Variants in EML6 observed in about 807,000 individuals in gnomAD.
EML6 encodes the protein EMAP like 6, also known as echinoderm microtubule-associated protein-like 6.
EML6 carries 154 observed loss-of-function variants against 240.1 expected under a neutral mutation model. That is an observed-to-expected ratio of 0.64 (90% confidence interval 0.56 to 0.73). The LOEUF (loss-of-function observed/expected upper bound fraction) is 0.73, where lower values mean the gene tolerates loss of function less well. EML6 is among the 30% of genes least tolerant of loss of function. EML6 has a pLI of 0.00. For missense variants in EML6, 2,964 were observed against 2,474.6 expected (o/e 1.20, Z -4.20); for synonymous variants, 1,148 against 899.0 (o/e 1.28, Z -4.95).
intron 2 of EML6, among the ~76,000 whole-genome samples, chr2:54,729,922 G>A (rs763990836): frequency 1.1e-4 from 17 of 152,228 alleles, no homozygotes; most frequent in Non-Finnish European, 2.2e-4. Context: ...GATCACTTGA[G>A]CTTGGGGGTT....
chr2:54,730,897 G>A lies in EML6; in HGVS notation c.197+5639G>A, dbSNP rs551106554. Among the ~76,000 whole-genome samples the A allele has an allele frequency of 9.7e-4, 148 of 152,276 alleles. 2 individuals are homozygous for A. The highest frequency in any genetic ancestry group is 3.2e-3 in the African/African-American group (134 of 41,544). ...AACATGACAAAGTTTCTGCCGCCTCGAAGCTTACTTTCTGATGGGGGACGC... is the reference window on the plus strand; with the variant it reads ...AACATGACAAAGTTTCTGCCGCCTCAAAGCTTACTTTCTGATGGGGGACGC... On this transcript the variant is annotated intron_variant, in intron 2 of 41. Transcript: ENST00000356458.
intron 2 of EML6, among the ~76,000 whole-genome samples, chr2:54,777,907 A>G (rs896334439): frequency 1.3e-5 from 2 of 152,236 alleles, no homozygotes; most frequent in African/African-American, 4.8e-5. Flanking sequence ...GAATTTAATA[A>G]AATTTTTGGG....
At chr2:54,723,937 G>C (rs187797921) in intron 1 of EML6, among the ~76,000 whole-genome samples, 160 bp downstream of exon 1, 3 of 152,200 alleles carry the variant, frequency 2.0e-5, no homozygotes, top group African/African-American at 7.2e-5. Context: ...GTGCGTCTGT[G>C]GGGGGTTGCT....
At chr2:54,857,184 G>T (rs1266120706) in intron 11 of EML6, among the ~76,000 whole-genome samples, 1 of 152,180 alleles carries the variant, frequency 6.6e-6, no homozygotes, top group East Asian at 1.9e-4. Flanking sequence ...GTAAGTTAGG[G>T]GCCCGTACTG....
intron 16 of EML6, among the ~76,000 whole-genome samples, chr2:54,877,684 T>G (rs938198589): frequency 2.0e-5 from 3 of 152,232 alleles, no homozygotes; most frequent in Non-Finnish European, 4.4e-5. Context: ...GGGGATATCA[T>G]TAGTTGTTTT....
intron 38 of EML6, among the ~76,000 whole-genome samples, chr2:54,965,677 G>T (rs1420826039): frequency 6.6e-6 from 1 of 152,134 alleles, no homozygotes; most frequent in African/African-American, 2.4e-5. Flanking sequence ...CACTTCCTGG[G>T]TGGGGGCCAC....
In EML6 at chr2:54,850,144, T is replaced by C. The variant is rs1669994605; in HGVS notation, c.1370T>C (p.Ile457Thr). 3.2e-6 allele frequency: 5 copies of C among 1,551,748 alleles called. No individual in the cohort carries two copies. Among genetic ancestry groups the C allele is most frequent in the Non-Finnish European group, 4.4e-6 (5 of 1,146,884 alleles). The change falls in exon 10 of 42, where the codon ATT becomes ACT. Residue 457 changes from isoleucine (I) to threonine (T), a missense_variant. Physicochemically the swap from Ile to Thr is moderately conservative, Grantham distance 89 (BLOSUM62 -1). Coordinates refer to ENST00000356458, the MANE Select transcript of EML6 (RefSeq NM_001039753.4). ...AAGTCCCTTAGTTTCATCACGCATA[T>C]TGACTGGTCCTTGGATAGTAAATAC... The part of the protein sequence containing the change: ...CSKSLSFITH[I>T]DWSLDSKYLQ...
intron 16 of EML6, among the ~76,000 whole-genome samples, chr2:54,874,484 C>A (rs532815222): frequency 6.6e-6 from 1 of 152,172 alleles, no homozygotes; most frequent in Non-Finnish European, 1.5e-5. Flanking sequence ...CCCCAGATAA[C>A]AATCACTGGG....
Position 54,922,909 on chromosome 2 carries a change from G to GA in EML6, c.3676-5403dup, listed in dbSNP as rs1298958542. Among the ~76,000 whole-genome samples, 5 of 151,538 alleles carry GA rather than the reference G, an allele frequency of 3.3e-5. No individual in the cohort carries two copies. In the East Asian group the frequency reaches 9.7e-4, roughly 29 times the overall value. On this transcript the variant is annotated intron_variant, in intron 26 of 41. Coordinates refer to ENST00000356458, the MANE Select transcript of EML6 (RefSeq NM_001039753.4). Reference sequence around the variant, plus strand: ...GGACTGGAGAGTGGGTGGAAATGGGGAGATGTTGGTCAAAGGGTATAAACT... The same window carrying GA: ...GGACTGGAGAGTGGGTGGAAATGGGGAAGATGTTGGTCAAAGGGTATAAACT...
At chr2:54,919,210 G>A (rs1674089844) in intron 26 of EML6, among the ~76,000 whole-genome samples, 1 of 150,430 alleles carries the variant, frequency 6.6e-6, no homozygotes, top group Admixed American at 6.6e-5. Flanking sequence ...CCACCTGATT[G>A]AGAAGTGTTC....
chr2:54,866,948 T>C, intron 14 of EML6, 64 bp downstream of exon 14: 1 of 953,310 alleles, frequency 1.0e-6, no homozygotes, highest in East Asian at 2.6e-5. Flanking sequence ...TCACCAACCT[T>C]AGCACCAGGC....
rs184415376 is a variant in EML6 at position 54,967,474 on chromosome 2, A to G, written c.5597+371A>G. 1.5e-3 allele frequency among the ~76,000 whole-genome samples: 229 copies of G among 152,326 alleles called. 1 individual carries two copies. Among genetic ancestry groups the G allele is most frequent in the African/African-American group, 4.9e-3 (204 of 41,566 alleles). On this transcript the variant is annotated intron_variant, in intron 39 of 41. Coordinates refer to ENST00000356458, the MANE Select transcript of EML6 (RefSeq NM_001039753.4). Reference sequence around the variant, plus strand: ...CCCCGGCTTAGCAGGATGAGAAACAATGGCTAATTCATGGGAAAAGAGACC... The same window carrying G: ...CCCCGGCTTAGCAGGATGAGAAACAGTGGCTAATTCATGGGAAAAGAGACC...
rs1683389740 is a variant in EML6 at position 54,736,328 on chromosome 2, AC to A, written c.197+11071del. ...TTCTCCTCTTTTCCTTCAATGCCAGACTTCTCAGAAGAGGGAGCGTGGCATT... is the reference window on the plus strand; with the variant it reads ...TTCTCCTCTTTTCCTTCAATGCCAGATTCTCAGAAGAGGGAGCGTGGCATT... On this transcript the variant is annotated intron_variant, in intron 2 of 41. Transcript: ENST00000356458. Among the ~76,000 whole-genome samples the A allele has an allele frequency of 5.3e-5, 8 of 152,292 alleles. No individual in the cohort carries two copies. In the East Asian group the frequency reaches 1.5e-3, roughly 29 times the overall value.
chr2:54,893,495 G>A (rs1322143782), intron 19 of EML6, among the ~76,000 whole-genome samples: 1 of 152,150 alleles, frequency 6.6e-6, no homozygotes, highest in Non-Finnish European at 1.5e-5. Context: ...TCATGGTCTA[G>A]TCAACTCTGA....
intron 40 of EML6, 71 bp downstream of exon 40, chr2:54,968,352 C>G (rs1313285468): frequency 7.3e-7 from 1 of 1,366,334 alleles, no homozygotes; most frequent in African/African-American, 1.4e-5. Context: ...GGGGCCACGT[C>G]TAGATGGCCC....
chr2:54,733,026 T>C (rs182112660), intron 2 of EML6, among the ~76,000 whole-genome samples: 14 of 152,340 alleles, frequency 9.2e-5, no homozygotes, highest in African/African-American at 3.4e-4. Context: ...ATCAGTTCAT[T>C]CCTTTCTTCC....
chr2:54,864,856 G>C (rs1184370587), intron 13 of EML6, among the ~76,000 whole-genome samples: 1 of 152,170 alleles, frequency 6.6e-6, no homozygotes, highest in African/African-American at 2.4e-5. Context: ...ATAATCATCA[G>C]TCATTGATTC....
At chr2:54,923,387 A>G (rs1369430127) in intron 26 of EML6, among the ~76,000 whole-genome samples, 4 of 151,654 alleles carry the variant, frequency 2.6e-5, no homozygotes, top group African/African-American at 9.7e-5. Flanking sequence ...ACACACACAC[A>G]CACACACACA....
intron 2 of EML6, among the ~76,000 whole-genome samples, chr2:54,760,821 C>CTTTTTT (rs1558530745): frequency 1.7e-4 from 20 of 120,242 alleles, no homozygotes; most frequent in African/African-American, 6.6e-4. Flanking sequence ...GTTGAGGGAG[C>CTTTTTT]ATTTTTTTTT....
Sources: gnomAD v4.1 joint callset for allele counts (sites outside exome capture counted in the v4.1 genomes callset) on GRCh38, gnomAD v4.1.1 for gene constraint, MANE v1.5 for transcripts, NCBI Gene and HGNC (gene_info 2026-07-23, HGNC 2026-07-21) for gene names.